STEAP1B: variants seen among roughly 807,000 people sequenced by gnomAD.
STEAP1B encodes the protein STEAP family protein MGC87042.
STEAP1B carries 13 observed loss-of-function variants against 27.9 expected under a neutral mutation model. That is an observed-to-expected ratio of 0.47 (90% CI 0.30 to 0.74). The LOEUF (loss-of-function observed/expected upper bound fraction) is 0.74, where lower values mean the gene tolerates loss of function less well. Among genes scored for constraint, STEAP1B ranks in the 30% least tolerant of loss-of-function variants. STEAP1B has a pLI of 0.06. For missense variants in STEAP1B, 250 were observed against 298.7 expected (o/e 0.84, Z 1.20); for synonymous variants, 86 against 107.1 (o/e 0.80, Z 1.22).
At chr7:22,449,275 C>A (rs3114714) in intron 4 of STEAP1B, among the ~76,000 whole-genome samples, 66,973 of 152,018 alleles carry the variant, frequency 0.44, 14,950 homozygotes, top group African/African-American at 0.51. Flanking sequence ...CATCCCCACC[C>A]CCTGATCTCC....
chr7:22,435,958 A>G (rs1045071795), intron 4 of STEAP1B, among the ~76,000 whole-genome samples: 1 of 152,210 alleles, frequency 6.6e-6, no homozygotes, highest in African/African-American at 2.4e-5. Context: ...GCGTGGGCAG[A>G]ACACGGTCTG....
At chr7:22,475,497 G>C (rs143959198) in intron 4 of STEAP1B, among the ~76,000 whole-genome samples, 1 of 152,226 alleles carries the variant, frequency 6.6e-6, no homozygotes, top group East Asian at 1.9e-4. Context: ...TCAGCCTCCC[G>C]AGTACCTTGG....
intron 4 of STEAP1B, among the ~76,000 whole-genome samples, chr7:22,468,819 A>G (rs1785831204): frequency 1.3e-5 from 2 of 152,204 alleles, no homozygotes; most frequent in Admixed American, 6.5e-5. Context: ...AGCCATTGCA[A>G]TGTCAGAGTG....
chr7:22,426,664 C>T (rs1324488324), intron 4 of STEAP1B, among the ~76,000 whole-genome samples: 1 of 152,222 alleles, frequency 6.6e-6, no homozygotes, highest in East Asian at 1.9e-4. Context: ...CAAGCCAATA[C>T]ACATGCATTC....
At chr7:22,475,193 T>A (rs996713914) in intron 4 of STEAP1B, among the ~76,000 whole-genome samples, 1 of 152,192 alleles carries the variant, frequency 6.6e-6, no homozygotes, top group East Asian at 1.9e-4. Context: ...CTGGCCTGCG[T>A]GTGGCTGCTC....
At chr7:22,464,229 G>T (rs550605495) in intron 4 of STEAP1B, among the ~76,000 whole-genome samples, 1 of 152,194 alleles carries the variant, frequency 6.6e-6, no homozygotes, top group East Asian at 1.9e-4. Context: ...TTTATCACCT[G>T]CAATGAGAAA....
intron 4 of STEAP1B, among the ~76,000 whole-genome samples, chr7:22,442,025 G>C (rs1341859336): frequency 6.6e-6 from 1 of 152,074 alleles, no homozygotes; most frequent in Non-Finnish European, 1.5e-5. Context: ...CTGGGATTTG[G>C]CTGGATAGTC....
chr7:22,430,308 C>T (rs957702901), intron 4 of STEAP1B, among the ~76,000 whole-genome samples: 2 of 152,110 alleles, frequency 1.3e-5, no homozygotes, highest in African/African-American at 4.8e-5. Context: ...AATTAGGGCA[C>T]ATAAACTGCT....
At chr7:22,491,594 T>C (rs1786322641) in intron 4 of STEAP1B, among the ~76,000 whole-genome samples, 1 of 152,130 alleles carries the variant, frequency 6.6e-6, no homozygotes, top group African/African-American at 2.4e-5. Context: ...AAAAAGGTAT[T>C]CTTGGTGAAT....
intron 4 of STEAP1B, among the ~76,000 whole-genome samples, chr7:22,452,093 G>C (rs1044143421): frequency 6.6e-6 from 1 of 152,146 alleles, no homozygotes; most frequent in African/African-American, 2.4e-5. Flanking sequence ...CCAGACAAAG[G>C]ATGATTAACT....
At chr7:22,446,131 C>A (rs1325090539) in intron 4 of STEAP1B, among the ~76,000 whole-genome samples, 4 of 152,174 alleles carry the variant, frequency 2.6e-5, no homozygotes, top group Non-Finnish European at 4.4e-5. Context: ...AAAAGCTGGG[C>A]TGTATATGAG....
chr7:22,477,838 GC>G (rs1785998349), intron 4 of STEAP1B, among the ~76,000 whole-genome samples: 1 of 151,932 alleles, frequency 6.6e-6, no homozygotes, highest in South Asian at 2.1e-4. Flanking sequence ...GTTCTTTTCT[GC>G]TTTATCTTAG....
chr7:22,485,696 C>G (rs1281204647), intron 4 of STEAP1B, among the ~76,000 whole-genome samples: 1 of 152,206 alleles, frequency 6.6e-6, no homozygotes, highest in Admixed American at 6.5e-5. Flanking sequence ...TGGAAACAAA[C>G]TAGCAATATG....
chr7:22,438,454 T>C (rs899081020), intron 4 of STEAP1B: 7 of 1,531,832 alleles, frequency 4.6e-6, no homozygotes, highest in African/African-American at 2.8e-5. Flanking sequence ...GTAAGATGTA[T>C]GAGCAGGGAA....
chr7:22,491,819 T>C (rs1342827822), intron 4 of STEAP1B, among the ~76,000 whole-genome samples: 1 of 152,118 alleles, frequency 6.6e-6, no homozygotes, highest in Non-Finnish European at 1.5e-5. Flanking sequence ...AAAGAAAACA[T>C]ATGATCCAAG....
intron 4 of STEAP1B, among the ~76,000 whole-genome samples, chr7:22,442,913 T>C (rs927375871): frequency 6.6e-6 from 1 of 151,908 alleles, no homozygotes; most frequent in African/African-American, 2.4e-5. Flanking sequence ...GGAGAAGAAA[T>C]AGCAACAACC....
intron 4 of STEAP1B, among the ~76,000 whole-genome samples, chr7:22,464,679 G>A (rs80249441): frequency 0.012 from 1,844 of 151,666 alleles, 45 homozygotes; most frequent in African/African-American, 0.042. Flanking sequence ...AGAGATGCAC[G>A]CACACAGAAA....
chr7:22,457,596 T>C (rs1194486159), intron 4 of STEAP1B, among the ~76,000 whole-genome samples: 1 of 152,236 alleles, frequency 6.6e-6, no homozygotes, highest in African/African-American at 2.4e-5. Flanking sequence ...TACAGTTCTA[T>C]GATATGCACT....
At chr7:22,426,099 C>G (rs1228484053) in intron 4 of STEAP1B, among the ~76,000 whole-genome samples, 1 of 152,140 alleles carries the variant, frequency 6.6e-6, no homozygotes, top group Non-Finnish European at 1.5e-5. Flanking sequence ...CAAATACTGC[C>G]CTGGAGGTCA....
Sources: allele counts gnomAD v4.1 joint callset (sites outside exome capture counted in the v4.1 genomes callset), GRCh38; gene constraint gnomAD v4.1.1; transcripts MANE v1.5; gene names NCBI Gene and HGNC (gene_info 2026-07-23, HGNC 2026-07-21).